The following AGO4 variants were observed in gnomAD, a reference collection of about 807,000 sequenced individuals.
AGO4 encodes protein argonaute-4.
A neutral mutation model predicts 104.7 loss-of-function variants in AGO4; 33 were observed. The ratio of observed to expected loss-of-function variants is 0.32; its 90% CI spans 0.24 to 0.42. The LOEUF is 0.42. Among genes scored for constraint, AGO4 ranks in the 10% least tolerant of loss-of-function variants. AGO4 has a pLI of 1.00. For synonymous variants in AGO4, 331 were observed against 364.7 expected (o/e 0.91, Z 1.05); for missense variants, 711 against 1,083.4 (o/e 0.66, Z 4.83).
intron 3 of AGO4, among the ~76,000 whole-genome samples, chr1:35,823,393 C>T (rs1188477691): frequency 6.6e-6 from 1 of 152,056 alleles, no homozygotes; most frequent in African/African-American, 2.4e-5. Flanking sequence ...GCTGGGATTA[C>T]AGGCATGTGC....
intron 7 of AGO4, 105 bp from the exon 8 acceptor site, chr1:35,831,322 G>T (rs1644178902): frequency 1.6e-6 from 2 of 1,279,350 alleles, no homozygotes; most frequent in Non-Finnish European, 1.1e-6. Context: ...ATGCACTCCA[G>T]CCTGGGCGAC....
At chr1:35,834,552 A>T (rs560159954) in intron 12 of AGO4, among the ~76,000 whole-genome samples, 1 of 152,200 alleles carries the variant, frequency 6.6e-6, no homozygotes, top group South Asian at 2.1e-4. Context: ...AAGCTGAGAG[A>T]ACTGGAAATA....
At chr1:35,827,184 G>C (rs1644044747) in intron 7 of AGO4, among the ~76,000 whole-genome samples, 1 of 151,756 alleles carries the variant, frequency 6.6e-6, no homozygotes, top group Non-Finnish European at 1.5e-5. Flanking sequence ...CTGGGCAACA[G>C]AGCAAGACCC....
chr1:35,828,544 A>C (rs1309887595), intron 7 of AGO4, among the ~76,000 whole-genome samples: 1 of 150,194 alleles, frequency 6.7e-6, no homozygotes, highest in Non-Finnish European at 1.5e-5. Flanking sequence ...TTTGAGACAG[A>C]GTTTAGCTCT....
Position 35,857,537 on chromosome 1 carries a change from A to G in AGO4, c.*3932A>G, listed in dbSNP as rs1390736127. 2 of 152,202 alleles carry G rather than the reference A, an allele frequency of 1.3e-5. No homozygotes were observed. The highest frequency in any genetic ancestry group is 2.9e-5 in the Non-Finnish European group (2 of 68,032). 9.4% of individuals were successfully genotyped at this position (152,202 alleles called of 1,614,324 possible). A position where few individuals can be genotyped will look rare whatever the true frequency, so the allele number is the denominator to read the frequency against. On this transcript the variant is annotated 3_prime_UTR_variant, in exon 18 of 18. Transcript: ENST00000373210. ...AATACGAGGTACTTTCTAAACTATT[A>G]AGGGAGGGGTTGTATCCTCATGTTG...
chr1:35,841,283 A>G lies in AGO4; in HGVS notation c.1843A>G (p.Ser615Gly). Residue 615 changes from serine to glycine, a missense_variant, in exon 14 of 18, where the codon AGC (serine) becomes GGC (glycine). Ser to Gly is a moderately conservative substitution (Grantham distance 56, BLOSUM62 0). Transcript: ENST00000373210. The surrounding 1 kb of genome is among the most constrained non-coding windows in gnomAD (Gnocchi z 4.7). ...GGTTGGCAGTATGGATGGCCACCCCAGCCGGTACTGTGCCACCGTTCGGGT... is the reference window on the plus strand; with the variant it reads ...GGTTGGCAGTATGGATGGCCACCCCGGCCGGTACTGTGCCACCGTTCGGGT... ...AVVGSMDGHP[S>G]RYCATVRVQT... The G allele has an allele frequency of 6.2e-7, 1 of 1,614,162 alleles. No homozygotes were observed. The highest frequency in any genetic ancestry group is 8.5e-7 in the Non-Finnish European group (1 of 1,180,028).
Position 35,832,201 on chromosome 1 carries a change from T to G in AGO4, c.1245+16T>G. On this transcript the variant is annotated intron_variant, in intron 10 of 17. Transcript: ENST00000373210. ...TGGAGGCCGGGTAAGCTTTTTATTT[T>G]ATTCAGCAAGCTTCTTCCACAACCA... 1 of 1,608,978 alleles carries G rather than the reference T, an allele frequency of 6.2e-7. No homozygotes were observed. Among genetic ancestry groups the G allele is most frequent in the Non-Finnish European group, 8.5e-7 (1 of 1,178,720 alleles).
rs1293885220 is a variant in AGO4, at chr1:35,850,187, A to G, written c.2206A>G (p.Thr736Ala). The change falls in exon 16 of 18, where the codon ACT becomes GCT. Residue 736 changes from threonine (T) to alanine (A), a missense_variant. Around this residue, in one of 3 missense-constraint regions of AGO4, gnomAD observed 401 missense variants for 665.5 expected, o/e 0.60. Coordinates refer to ENST00000373210, the MANE Select transcript of AGO4 (RefSeq NM_017629.4). ...GAAAAGTGGCAATGTACCAGCAGGC[A>G]CTACAGTGGATAGTACCATCACACA... The part of the protein sequence containing the change: ...VGKSGNVPAG[T>A]TVDSTITHPS... The G allele has an allele frequency of 1.2e-6, 2 of 1,605,842 alleles. No homozygotes were observed. The highest frequency in any genetic ancestry group is 1.3e-5 in the African/African-American group (1 of 74,246).
At chr1:35,838,662 A>G (rs757074488) in intron 13 of AGO4, among the ~76,000 whole-genome samples, 2 of 152,204 alleles carry the variant, frequency 1.3e-5, no homozygotes, top group Non-Finnish European at 2.9e-5. Flanking sequence ...AGACAGGGAT[A>G]TGATAGACAA....
In AGO4 at chr1:35,847,237, C is replaced by CT. The variant is rs1276730669; in HGVS notation, c.2176-2906dup. Among the ~76,000 whole-genome samples, 461 of 141,648 alleles carry CT rather than the reference C, an allele frequency of 3.3e-3. 1 individual carries two copies. Among genetic ancestry groups the CT allele is most frequent in the South Asian group, 4.9e-3 (22 of 4,476 alleles). 92.9% of individuals were successfully genotyped at this position (141,648 alleles called of 152,430 possible). On this transcript the variant is annotated intron_variant, in intron 15 of 17. Transcript: ENST00000373210. ...GAAAGTCTACAAATTTGTTTTTGGT[C>CT]TTTTTTTTTTTTTTGAGACTGAGTC...
At chr1:35,811,562 TAC>T (rs750161536) in intron 1 of AGO4, among the ~76,000 whole-genome samples, 7 of 152,124 alleles carry the variant, frequency 4.6e-5, no homozygotes, top group Non-Finnish European at 1.0e-4. Flanking sequence ...AGCTAACATT[TAC>T]TGAGCGTTTA....
intron 6 of AGO4, 98 bp downstream of exon 6, chr1:35,826,158 C>G: frequency 6.9e-7 from 1 of 1,445,128 alleles, no homozygotes; most frequent in Admixed American, 2.1e-5. Flanking sequence ...CGGTCTCAGG[C>G]TAACCACTTC....
intron 15 of AGO4, among the ~76,000 whole-genome samples, chr1:35,847,304 G>C (rs1404806293): frequency 6.6e-6 from 1 of 151,760 alleles, no homozygotes; most frequent in Non-Finnish European, 1.5e-5. Context: ...CTCAGTCTCG[G>C]CTCACTGCAA....
In AGO4 at chr1:35,850,966, G is replaced by C; in HGVS notation, c.2390G>C (p.Arg797Pro). Residue 797 changes from arginine to proline, a missense_variant, in exon 17 of 18, where the codon CGC (arginine) becomes CCC (proline). Around this residue, in one of 3 missense-constraint regions of AGO4, gnomAD observed 401 missense variants for 665.5 expected, o/e 0.60. Transcript: ENST00000373210. ...TGTCACACCTATGTGAGGTGCACTC[G>C]CTCAGTCTCTATTCCAGCCCCTGCA... ...QLCHTYVRCTRSVSIPAPAYY... is the reference protein window; with the variant it reads ...QLCHTYVRCTPSVSIPAPAYY... The C allele has an allele frequency of 6.2e-7, 1 of 1,614,044 alleles. No homozygotes were observed. The highest frequency in any genetic ancestry group is 2.2e-5 in the East Asian group (1 of 44,884).
intron 2 of AGO4, among the ~76,000 whole-genome samples, chr1:35,819,369 G>A (rs1643832737): frequency 6.6e-6 from 1 of 151,902 alleles, no homozygotes; most frequent in Admixed American, 6.6e-5. Flanking sequence ...GCTGAGGTGG[G>A]AGGATTGCTT....
chr1:35,850,755 T>C, intron 16 of AGO4, 99 bp from the exon 17 acceptor site: 1 of 914,352 alleles, frequency 1.1e-6, no homozygotes, highest in South Asian at 1.8e-5. Flanking sequence ...CACTCCAGCC[T>C]AGGTGACAGA....
At chr1:35,842,168 C>T (rs1201047806) in intron 15 of AGO4, among the ~76,000 whole-genome samples, 1 of 152,138 alleles carries the variant, frequency 6.6e-6, no homozygotes. Context: ...CCCCAACCCC[C>T]AGACTGTGGA....
At chr1:35,837,499 C>G (rs577458464) in intron 13 of AGO4, among the ~76,000 whole-genome samples, 47 of 152,186 alleles carry the variant, frequency 3.1e-4, no homozygotes, top group Admixed American at 5.9e-4. Flanking sequence ...CCCACCTCAG[C>G]CTCCCAAGTA....
At chr1:35,829,232 A>G (rs1424465684) in intron 7 of AGO4, among the ~76,000 whole-genome samples, 3 of 151,886 alleles carry the variant, frequency 2.0e-5, no homozygotes, top group African/African-American at 7.3e-5. Flanking sequence ...CCTCATGTAC[A>G]CACTACATGA....
Sources: gnomAD v4.1 joint callset for allele counts (sites outside exome capture counted in the v4.1 genomes callset) on GRCh38, gnomAD v4.1.1 for gene constraint, gnomAD v4.1.1 regional missense constraint, Gnocchi (gnomAD v3.1) non-coding constraint, MANE v1.5 for transcripts, NCBI Gene and HGNC (gene_info 2026-07-23, HGNC 2026-07-21) for gene names.